Variants in AKAP13 observed in about 807,000 individuals in gnomAD.
AKAP13 encodes A-kinase anchor protein 13.
In AKAP13, 80 loss-of-function variants were observed where a neutral mutation model predicts 264.5. The observed-to-expected ratio is 0.30, with a 90% CI of 0.25 to 0.36. The LOEUF is 0.36. Ranked by LOEUF, AKAP13 falls within the 10% of genes least tolerant of loss-of-function variation. The pLI is 1.00. For synonymous variants in AKAP13, 1,380 were observed against 1,250.2 expected (o/e 1.10, Z -2.19); for missense variants, 3,712 against 3,435.2 (o/e 1.08, Z -2.01).
chr15:85,544,552 A>C (rs565548955), intron 5 of AKAP13, among the ~76,000 whole-genome samples: 3 of 152,296 alleles, frequency 2.0e-5, no homozygotes, highest in South Asian at 2.1e-4. Context: ...TTTTGGGCTC[A>C]ATTATTATAT....
At chr15:85,407,452 C>G (rs1205142410) in intron 1 of AKAP13, among the ~76,000 whole-genome samples, 1 of 151,594 alleles carries the variant, frequency 6.6e-6, no homozygotes, top group Non-Finnish European at 1.5e-5. Context: ...GTTGGCCAGG[C>G]TGTTCTTCAA....
rs72092500 is a variant in AKAP13 at position 85,733,873 on chromosome 15, C to CTTTTTTTTTTTTTTTT, written c.7283-1113_7283-1098dup. On this transcript the variant is annotated intron_variant, in intron 30 of 36. Transcript: ENST00000394518. ...TTTGTCATTTTCTTTTCTTTCTTTT[C>CTTTTTTTTTTTTTTTT]TTTTTTTTTTTTTTTTTTTTTGAGA... 5.0e-4 allele frequency among the ~76,000 whole-genome samples: 41 copies of CTTTTTTTTTTTTTTTT among 82,588 alleles called. 1 individual carries two copies. Among genetic ancestry groups the CTTTTTTTTTTTTTTTT allele is most frequent in the Non-Finnish European group, 7.8e-4 (34 of 43,348 alleles). The allele number at this position is 82,588 out of a possible 152,430, so 54.2% of individuals were successfully genotyped here. A position where few individuals can be genotyped will look rare whatever the true frequency, so the allele number is the denominator to read the frequency against.
At chr15:85,712,442 T>A (rs2086680437) in intron 19 of AKAP13, among the ~76,000 whole-genome samples, 1 of 152,228 alleles carries the variant, frequency 6.6e-6, no homozygotes, top group Non-Finnish European at 1.5e-5. Flanking sequence ...CATTATCTGT[T>A]GTTTCAGAAG....
chr15:85,656,478 G>A (rs972347219), intron 11 of AKAP13, among the ~76,000 whole-genome samples: 2 of 151,670 alleles, frequency 1.3e-5, no homozygotes, highest in Admixed American at 6.6e-5. Context: ...ATGGAGTCTC[G>A]CTCTGTCACC....
intron 1 of AKAP13, among the ~76,000 whole-genome samples, chr15:85,440,854 C>T (rs962510691): frequency 6.6e-6 from 1 of 152,026 alleles, no homozygotes; most frequent in Non-Finnish European, 1.5e-5. Context: ...TTGGGAATGG[C>T]TTAGTGTGGT....
At chr15:85,629,764 C>CTTTTTTTTTTTTTTTTTTTTTT (rs773396099) in intron 8 of AKAP13, among the ~76,000 whole-genome samples, 1 of 50,504 alleles carries the variant, frequency 2.0e-5, no homozygotes, top group Non-Finnish European at 3.7e-5. Context: ...CCTTTACAGC[C>CTTTTTTTTTTTTTTTTTTTTTT]TTTTTTTTTT....
In AKAP13 at chr15:85,724,007, C is replaced by T. The variant is rs992761786; in HGVS notation, c.6745+687C>T. On this transcript the variant is annotated intron_variant, in intron 26 of 36. Coordinates refer to ENST00000394518, the MANE Select transcript of AKAP13 (RefSeq NM_007200.5). The surrounding 1 kb of genome is among the most constrained non-coding windows in gnomAD (Gnocchi z 4.2). ...TTTGATTTTTTTTGTTTGTTTTCAT[C>T]AAACCTATACTCCATGGGCCTATAT... Among the ~76,000 whole-genome samples the T allele has an allele frequency of 1.3e-5, 2 of 152,064 alleles. No homozygotes were observed. Among genetic ancestry groups the T allele is most frequent in the Non-Finnish European group, 2.9e-5 (2 of 68,018 alleles).
chr15:85,485,602 C>T (rs1284631366), intron 1 of AKAP13, 108 bp from the exon 2 acceptor site: 15 of 884,660 alleles, frequency 1.7e-5, no homozygotes, highest in African/African-American at 6.7e-5. Context: ...ATCTCGGGCA[C>T]GGGATTGTAC....
In AKAP13 at chr15:85,645,640, T is replaced by A. The variant is rs143529718; in HGVS notation, c.4238-178T>A. ...GGAGTAGCAGAGCTACTAATTTGACTGTGTCCTTTTATAGCTTCTTAATTT... is the reference window on the plus strand; with the variant it reads ...GGAGTAGCAGAGCTACTAATTTGACAGTGTCCTTTTATAGCTTCTTAATTT... On this transcript the variant is annotated intron_variant, in intron 9 of 36. Transcript: ENST00000394518. Among the ~76,000 whole-genome samples the A allele has an allele frequency of 2.1e-4, 32 of 152,282 alleles. 1 individual carries two copies. Among genetic ancestry groups the A allele is most frequent in the African/African-American group, 7.5e-4 (31 of 41,554 alleles).
In AKAP13 at chr15:85,585,806, G is replaced by A. The variant is rs1290669381; in HGVS notation, c.4144G>A (p.Gly1382Ser). Residue 1382 changes from glycine to serine, a missense_variant, in exon 8 of 37, where the codon GGC becomes AGC. Transcript: ENST00000394518. Reference protein sequence around the residue: ...SIAATLKMKQGPMTQAINREN... With the variant: ...SIAATLKMKQSPMTQAINREN... ...AGCTGCTACACTGAAGATGAAGCAA[G>A]GCCCAATGACCCAGGCGGTAAGTGG... is the stretch of plus-strand genomic sequence containing the variant. The A allele has an allele frequency of 6.2e-7, 1 of 1,614,112 alleles. No homozygotes were observed. The highest frequency in any genetic ancestry group is 1.1e-5 in the South Asian group (1 of 91,084).
chr15:85,701,907 G>A (rs759418284), intron 17 of AKAP13, among the ~76,000 whole-genome samples: 4 of 152,076 alleles, frequency 2.6e-5, no homozygotes, highest in African/African-American at 4.8e-5. Flanking sequence ...TCTGGTGATA[G>A]CATTAAGGTT....
chr15:85,399,600 T>C (rs1394313838), intron 1 of AKAP13, among the ~76,000 whole-genome samples: 4 of 150,688 alleles, frequency 2.7e-5, no homozygotes, highest in African/African-American at 9.8e-5. Flanking sequence ...AATTACTGGA[T>C]TACTGGCAAC....
rs900217869 is a variant in AKAP13 at position 85,673,658 on chromosome 15, C to A, written c.5101+3828C>A. Reference sequence around the variant, plus strand: ...TTCAGTTATTACAGATGATCCCTTTCTTTCTTTCTTTTTTTTTTTTTTTTT... The same window carrying A: ...TTCAGTTATTACAGATGATCCCTTTATTTCTTTCTTTTTTTTTTTTTTTTT... On this transcript the variant is annotated intron_variant, in intron 14 of 36. Transcript: ENST00000394518. Among the ~76,000 whole-genome samples, 7 of 120,938 alleles carry A rather than the reference C, an allele frequency of 5.8e-5. No homozygotes were observed. In the East Asian group the frequency reaches 1.6e-3, roughly 28 times the overall value. The allele number at this position is 120,938 out of a possible 152,430, so 79.3% of individuals were successfully genotyped here.
At chr15:85,477,250 A>AT (rs1435733808) in intron 1 of AKAP13, among the ~76,000 whole-genome samples, 1 of 151,640 alleles carries the variant, frequency 6.6e-6, no homozygotes, top group Non-Finnish European at 1.5e-5. Context: ...GCATAGAGAG[A>AT]TTTTCTCAGG....
intron 16 of AKAP13, among the ~76,000 whole-genome samples, chr15:85,686,231 T>C (rs1215100279): frequency 6.6e-6 from 1 of 151,938 alleles, no homozygotes; most frequent in Admixed American, 6.6e-5. Context: ...CATACAGATA[T>C]ATACACACGT....
chr15:85,571,201 T>C (rs2078807347), intron 5 of AKAP13, among the ~76,000 whole-genome samples: 1 of 152,164 alleles, frequency 6.6e-6, no homozygotes, highest in Non-Finnish European at 1.5e-5. Flanking sequence ...AAAAGATTGG[T>C]AAAATGTATA....
At position 85,580,472 on chromosome 15, in the gene AKAP13, C is replaced by G; in HGVS notation, c.2404C>G (p.Leu802Val). 6.2e-7 allele frequency: 1 copy of G among 1,614,232 alleles called. No individual in the cohort carries two copies. The highest frequency in any genetic ancestry group is 1.7e-5 in the Admixed American group (1 of 60,032). Residue 802 changes from leucine (L) to valine (V), a missense_variant, in exon 7 of 37, where the codon CTT (leucine) becomes GTT (valine). Leu to Val is a conservative substitution (Grantham distance 32, BLOSUM62 1). Transcript: ENST00000394518. The part of the protein sequence containing the change: ...GSESVTKDDA[L>V]SFVPSQKEKG... ...TGAATCAGTAACCAAGGATGACGCA[C>G]TTTCTTTTGTCCCCTCCCAGAAAGA...
chr15:85,419,248 G>A (rs976646340), intron 1 of AKAP13, among the ~76,000 whole-genome samples: 41 of 152,150 alleles, frequency 2.7e-4, no homozygotes, highest in African/African-American at 8.7e-4. Flanking sequence ...AAAAGAATGC[G>A]TGGTTCTGAG....
intron 8 of AKAP13, among the ~76,000 whole-genome samples, chr15:85,601,288 C>T (rs1364832614): frequency 1.3e-5 from 2 of 152,204 alleles, no homozygotes; most frequent in Non-Finnish European, 2.9e-5. Flanking sequence ...TTCATTAGCA[C>T]ATAGGTCATC....
Sources: allele counts gnomAD v4.1 joint callset (sites outside exome capture counted in the v4.1 genomes callset), GRCh38; gene constraint gnomAD v4.1.1; non-coding constraint Gnocchi (gnomAD v3.1); transcripts MANE v1.5; gene names NCBI Gene and HGNC (gene_info 2026-07-23, HGNC 2026-07-21).